Variants in PCDH11X observed in about 807,000 individuals in gnomAD.
PCDH11X encodes the protein protocadherin 11 X-linked.
PCDH11X carries 18 observed loss-of-function variants against 53.3 expected under a neutral mutation model. The observed-to-expected ratio is 0.34, with a 90% CI of 0.23 to 0.50. The LOEUF is 0.50. Ranked by LOEUF, PCDH11X falls within the 20% of genes least tolerant of loss-of-function variation. The probability of loss-of-function intolerance (pLI) is 0.98; values close to 1 mark genes in which losing one functional copy is unlikely to be tolerated. For missense variants in PCDH11X, 570 were observed against 1,032.4 expected (o/e 0.55, Z 6.14); for synonymous variants, 279 against 393.3 (o/e 0.71, Z 3.44).
chrX:92,444,079 T>A lies in PCDH11X; in HGVS notation c.3344-24220T>A, dbSNP rs141068014. The stretch of plus-strand genomic sequence containing the variant: ...CTAGTTCTGTAAAAAATGATGTTGG[T>A]ACTTTGACAGAAATAGTGTTGAATC... On this transcript the variant is annotated intron_variant, in intron 9 of 10. Coordinates refer to ENST00000682573, the MANE Select transcript of PCDH11X (RefSeq NM_032968.5). Among the ~76,000 whole-genome samples the A allele has an allele frequency of 7.0e-3, 783 of 111,661 alleles. 7 individuals carry two copies. Among genetic ancestry groups the A allele is most frequent in the African/African-American group, 0.025 (753 of 30,724 alleles).
At chrX:92,120,928 G>A (rs1227170957) in intron 6 of PCDH11X, among the ~76,000 whole-genome samples, 1 of 111,037 alleles carries the variant, frequency 9.0e-6, no homozygotes, top group African/African-American at 3.3e-5. Context: ...AATTATTTTA[G>A]AGGTCTGGCA....
chrX:91,883,075 A>T, intron 6 of PCDH11X: 1 of 1,033,577 alleles, frequency 9.7e-7, no homozygotes, highest in East Asian at 3.8e-5. Flanking sequence ...AGCAAAAATC[A>T]TCTTAAAAAT....
chrX:92,045,872 G>A (rs1195019803), intron 6 of PCDH11X, among the ~76,000 whole-genome samples: 1 of 107,996 alleles, frequency 9.3e-6, no homozygotes, highest in African/African-American at 3.4e-5. Context: ...CTGGAAGGCC[G>A]AGGTTGCAGT....
At chrX:92,613,943 C>G (rs1927688263) in intron 10 of PCDH11X, among the ~76,000 whole-genome samples, 2 of 109,972 alleles carry the variant, frequency 1.8e-5, no homozygotes, top group South Asian at 7.7e-4. Context: ...ATTGTTAAAG[C>G]TTTCAATTGT....
At chrX:91,990,688 C>T (rs2062307509) in intron 6 of PCDH11X, among the ~76,000 whole-genome samples, 2 of 107,115 alleles carry the variant, frequency 1.9e-5, no homozygotes, top group East Asian at 5.9e-4. Flanking sequence ...CACTCAACTT[C>T]TGTTAACACA....
At chrX:92,016,073 C>T (rs1265111744) in intron 6 of PCDH11X, among the ~76,000 whole-genome samples, 10 of 112,519 alleles carry the variant, frequency 8.9e-5, no homozygotes, top group Non-Finnish European at 1.5e-4. Context: ...AAGTGTTGGG[C>T]GACCAGTTGC....
rs1330248154 is a variant in PCDH11X, at chrX:92,412,589, C to CT, written c.3343+24666dup. On this transcript the variant is annotated intron_variant, in intron 9 of 10. Coordinates refer to ENST00000682573, the MANE Select transcript of PCDH11X (RefSeq NM_032968.5). ...GGTAGATAAATATGGTATAATTTAT[C>CT]TTTTTTTTTTATAAACCAGCATACC... is the stretch of plus-strand genomic sequence containing the variant. Among the ~76,000 whole-genome samples the CT allele has an allele frequency of 3.0e-3, 258 of 86,646 alleles. 6 individuals carry two copies. The East Asian group carries it at 0.032, about 11-fold the overall frequency. 75.2% of individuals were successfully genotyped at this position (86,646 alleles called of 115,157 possible).
chrX:92,577,129 T>C (rs1380269109), intron 10 of PCDH11X, among the ~76,000 whole-genome samples: 1 of 109,784 alleles, frequency 9.1e-6, no homozygotes, highest in Non-Finnish European at 1.9e-5. Context: ...GTAGCAGTTC[T>C]CCTTTGTACC....
At position 92,359,089 on chromosome X, in the gene PCDH11X, C is replaced by T. The variant is rs1465848935; in HGVS notation, c.3145-28646C>T. On this transcript the variant is annotated intron_variant, in intron 8 of 10. Transcript: ENST00000682573. The stretch of plus-strand genomic sequence containing the variant: ...GCGTGGCTATTTTTTCATCTAATTT[C>T]ATTTATGTTTTTTTTTGTGCCAAAC... 5.5e-5 allele frequency among the ~76,000 whole-genome samples: 6 copies of T among 108,371 alleles called. No individual in the cohort carries two copies. The East Asian group carries it at 8.8e-4, about 16-fold the overall frequency. 94.1% of individuals were successfully genotyped at this position (108,371 alleles called of 115,157 possible). A position where few individuals can be genotyped will look rare whatever the true frequency, so the allele number is the denominator to read the frequency against.
intron 8 of PCDH11X, among the ~76,000 whole-genome samples, chrX:92,361,907 G>T (rs2070354912): frequency 9.0e-6 from 1 of 111,044 alleles, no homozygotes; most frequent in South Asian, 3.7e-4. Context: ...GTGTATAAGT[G>T]GACTCATGTA....
intron 1 of PCDH11X, among the ~76,000 whole-genome samples, chrX:91,786,822 A>C (rs1289249401): frequency 9.1e-6 from 1 of 109,469 alleles, no homozygotes; most frequent in East Asian, 2.9e-4. Flanking sequence ...TCTTTTCCCA[A>C]CATCCCTTCT....
chrX:92,575,942 T>TAC (rs1163516940), intron 10 of PCDH11X, among the ~76,000 whole-genome samples: 3 of 23,459 alleles, frequency 1.3e-4, no homozygotes, highest in African/African-American at 2.3e-4. Context: ...TATATATATA[T>TAC]ATACACACAC....
At chrX:92,195,406 C>T (rs1295280466) in intron 6 of PCDH11X, among the ~76,000 whole-genome samples, 2 of 111,482 alleles carry the variant, frequency 1.8e-5, no homozygotes, top group Non-Finnish European at 3.8e-5. Context: ...TGGCAAAACC[C>T]TTGGAATCCT....
At chrX:92,536,049 T>G (rs1330184633) in intron 10 of PCDH11X, among the ~76,000 whole-genome samples, 3 of 107,280 alleles carry the variant, frequency 2.8e-5, no homozygotes, top group Non-Finnish European at 5.8e-5. Context: ...TCTACATATT[T>G]CTATATTACT....
intron 8 of PCDH11X, among the ~76,000 whole-genome samples, chrX:92,320,772 AAGACCAGAG>A (rs2069182174): frequency 9.0e-6 from 1 of 111,540 alleles, no homozygotes. Flanking sequence ...GCCTCCTGCA[AAGACCAGAG>A]ACAGGCACTT....
intron 10 of PCDH11X, among the ~76,000 whole-genome samples, chrX:92,538,051 G>T (rs938392817): frequency 4.1e-5 from 4 of 98,153 alleles, no homozygotes; most frequent in Non-Finnish European, 8.2e-5. Context: ...ATGCTCCAGT[G>T]TTAGGTACAT....
chrX:92,240,667 T>G (rs1264072625), intron 7 of PCDH11X, among the ~76,000 whole-genome samples: 1 of 111,718 alleles, frequency 9.0e-6, no homozygotes, highest in East Asian at 2.8e-4. Context: ...TGATAAAATT[T>G]ATCTATTACA....
chrX:91,960,897 C>G (rs755561190), intron 6 of PCDH11X, among the ~76,000 whole-genome samples: 1 of 109,949 alleles, frequency 9.1e-6, no homozygotes, highest in East Asian at 2.9e-4. Context: ...TTAGTTGACT[C>G]TATACATGTG....
At chrX:92,064,422 A>G (rs1158837591) in intron 6 of PCDH11X, among the ~76,000 whole-genome samples, 1 of 110,225 alleles carries the variant, frequency 9.1e-6, no homozygotes, top group Non-Finnish European at 1.9e-5. Flanking sequence ...AGAAAAATGT[A>G]TACACCCATG....
Sources: allele counts gnomAD v4.1 joint callset (sites outside exome capture counted in the v4.1 genomes callset), GRCh38; gene constraint gnomAD v4.1.1; transcripts MANE v1.5; gene names NCBI Gene and HGNC (gene_info 2026-07-23, HGNC 2026-07-21).